The following MYO5C variants were observed in gnomAD, a reference collection of about 807,000 sequenced individuals.
MYO5C encodes unconventional myosin-Vc.
In MYO5C, 194 loss-of-function variants were observed where a neutral mutation model predicts 235.7. The observed-to-expected ratio is 0.82, with a 90% CI of 0.73 to 0.93. MYO5C has a LOEUF of 0.93. MYO5C is among the 40% of genes least tolerant of loss of function. The probability of loss-of-function intolerance (pLI) is 0.00; values close to 1 mark genes in which losing one functional copy is unlikely to be tolerated. For missense variants in MYO5C, 2,038 were observed against 2,127.2 expected, an observed-to-expected ratio of 0.96 and a Z score of 0.82; for synonymous variants, 707 against 754.8, an observed-to-expected ratio of 0.94 and a Z score of 1.04.
chr15:52,253,176 A>G (rs1359982652), intron 12 of MYO5C, 141 bp downstream of exon 12: 6 of 884,962 alleles, frequency 6.8e-6, no homozygotes, highest in Non-Finnish European at 1.0e-5. Context: ...CCTGCTGTGG[A>G]TGCTGTCCCA....
intron 21 of MYO5C, among the ~76,000 whole-genome samples, chr15:52,239,401 C>A (rs1265000711): frequency 6.6e-6 from 1 of 152,212 alleles, no homozygotes; most frequent in East Asian, 1.9e-4. Context: ...GCTTGGCATG[C>A]GGACAGCATC....
In MYO5C at chr15:52,205,796, G is replaced by T. The variant is rs77561658; in HGVS notation, c.4537+20C>A. 0.051 allele frequency: 72,549 copies of T among 1,432,152 alleles called. 2,144 individuals are homozygous for T. Among genetic ancestry groups the T allele is most frequent in the Middle Eastern group, 0.073 (392 of 5,342 alleles). 88.7% of individuals were successfully genotyped at this position (1,432,152 alleles called of 1,614,324 possible). ...TTAATGTTACTATAAATATTTTTTG[G>T]TCATCCATTCTCTTCTTACCTATTA... is the stretch of plus-strand genomic sequence containing the variant. On this transcript the variant is annotated intron_variant, in intron 37 of 40. Coordinates refer to ENST00000261839, the MANE Select transcript of MYO5C (RefSeq NM_018728.4).
At chr15:52,272,539 T>C (rs1343969962) in intron 6 of MYO5C, 41 bp downstream of exon 6, 1 of 1,602,294 alleles carries the variant, frequency 6.2e-7, no homozygotes, top group Admixed American at 1.7e-5. Context: ...TAAATGTAAA[T>C]AATGCTCAAA....
chr15:52,237,420 C>T (rs752711818), intron 22 of MYO5C, 62 bp downstream of exon 22: 10 of 1,551,198 alleles, frequency 6.4e-6, no homozygotes, highest in Middle Eastern at 1.8e-4. Flanking sequence ...AAGCTGGCAG[C>T]GCTCATCTTT....
rs149237257 is a variant in MYO5C at position 52,244,191 on chromosome 15, C to T, written c.2390+165G>A. On this transcript the variant is annotated intron_variant, in intron 19 of 40. Transcript: ENST00000261839. Reference sequence around the variant, plus strand: ...GCCAGCACTACCTGCCCCTGAGAGACGGACCTTTCTTGCCCTAATGCTCAC... The same window carrying T: ...GCCAGCACTACCTGCCCCTGAGAGATGGACCTTTCTTGCCCTAATGCTCAC... Among the ~76,000 whole-genome samples the T allele has an allele frequency of 4.3e-3, 660 of 152,172 alleles. 6 individuals carry two copies. The highest frequency in any genetic ancestry group is 0.015 in the African/African-American group (639 of 41,524).
rs35030676 is a variant in MYO5C at position 52,248,586 on chromosome 15, T to TCACA, written c.1746+110_1746+113dup. Reference sequence around the variant, plus strand: ...TACAACTTACCACTGTCCAGAGAGTTCACACACACACACACACACACTCTC... The same window carrying TCACA: ...TACAACTTACCACTGTCCAGAGAGTTCACACACACACACACACACACACACTCTC... On this transcript the variant is annotated intron_variant, in intron 14 of 40. Transcript: ENST00000261839. The TCACA allele has an allele frequency of 4.3e-3, 2,804 of 646,850 alleles. 12 individuals are homozygous for TCACA. In the East Asian group the frequency reaches 0.045, roughly 10 times the overall value. 40.1% of individuals were successfully genotyped at this position (646,850 alleles called of 1,614,324 possible).
At chr15:52,200,430 T>C (rs1462517517) in intron 38 of MYO5C, among the ~76,000 whole-genome samples, 2 of 152,044 alleles carry the variant, frequency 1.3e-5, no homozygotes, top group Non-Finnish European at 2.9e-5. Flanking sequence ...TAGCCAGATA[T>C]GGTAGTGGGT....
chr15:52,213,856 C>G (rs1374908083), intron 33 of MYO5C, among the ~76,000 whole-genome samples: 1 of 152,216 alleles, frequency 6.6e-6, no homozygotes, highest in Non-Finnish European at 1.5e-5. Context: ...GAAGCACAGA[C>G]CTGGGCCCTG....
intron 1 of MYO5C, among the ~76,000 whole-genome samples, chr15:52,284,664 G>A (rs1333989843): frequency 1.3e-5 from 2 of 152,088 alleles, no homozygotes; most frequent in African/African-American, 4.8e-5. Flanking sequence ...ATATTTAGAA[G>A]GTGTATTGAT....
chr15:52,224,063 A>C (rs1011648392), intron 28 of MYO5C, among the ~76,000 whole-genome samples: 2 of 152,220 alleles, frequency 1.3e-5, no homozygotes, highest in African/African-American at 4.8e-5. Flanking sequence ...TGGGCGGATC[A>C]CTTGAGGTCA....
chr15:52,256,955 G>GCCAA, intron 10 of MYO5C: 1 of 439,954 alleles, frequency 2.3e-6, no homozygotes, highest in Non-Finnish European at 4.1e-6. Context: ...CCTCAAGCCA[G>GCCAA]GCATTAAAAT....
intron 23 of MYO5C, 93 bp from the exon 24 acceptor site, chr15:52,232,778 A>G (rs1264648391): frequency 1.8e-6 from 2 of 1,094,904 alleles, no homozygotes; most frequent in African/African-American, 3.1e-5. Flanking sequence ...TGTCAGGACA[A>G]TCATGTGATG....
At chr15:52,245,879 G>A in intron 17 of MYO5C, 77 bp downstream of exon 17, 5 of 1,338,596 alleles carry the variant, frequency 3.7e-6, no homozygotes, top group Non-Finnish European at 5.3e-6. Context: ...CAAAAATCAT[G>A]GCAGCCATGT....
chr15:52,225,336 T>A, intron 26 of MYO5C, 103 bp downstream of exon 26: 2 of 1,143,198 alleles, frequency 1.7e-6, no homozygotes, highest in Non-Finnish European at 2.6e-6. Flanking sequence ...ATCTACCATA[T>A]GTCCAACCAA....
rs150778896 is a variant in MYO5C, at chr15:52,292,135, C to G, written c.27+3475G>C. Among the ~76,000 whole-genome samples the G allele has an allele frequency of 5.9e-3, 892 of 152,292 alleles. 11 individuals carry two copies. Among genetic ancestry groups the G allele is most frequent in the African/African-American group, 0.021 (869 of 41,546 alleles). On this transcript the variant is annotated intron_variant, in intron 1 of 40. Transcript: ENST00000261839. ...TGTTATGAACTCTTCAGAAATAGTACTTTTAATGGCTTCATGCTGTTTTAC... is the reference window on the plus strand; with the variant it reads ...TGTTATGAACTCTTCAGAAATAGTAGTTTTAATGGCTTCATGCTGTTTTAC...
chr15:52,284,024 T>C (rs906912042), intron 1 of MYO5C, among the ~76,000 whole-genome samples: 12 of 152,260 alleles, frequency 7.9e-5, no homozygotes, highest in African/African-American at 2.9e-4. Flanking sequence ...GTTTGATGTA[T>C]TTTTCTACAA....
chr15:52,271,591 C>T (rs1274557090), intron 7 of MYO5C, among the ~76,000 whole-genome samples, 172 bp downstream of exon 7: 2 of 151,946 alleles, frequency 1.3e-5, no homozygotes, highest in African/African-American at 2.4e-5. Flanking sequence ...CTCATCCCCC[C>T]GGCCCTAATC....
chr15:52,261,642 G>A (rs2140826687), intron 9 of MYO5C, among the ~76,000 whole-genome samples: 1 of 152,322 alleles, frequency 6.6e-6, no homozygotes, highest in East Asian at 1.9e-4. Flanking sequence ...CTGAGCTAGT[G>A]CCTCAGCTGA....
intron 34 of MYO5C, among the ~76,000 whole-genome samples, 198 bp downstream of exon 34, chr15:52,212,990 A>T (rs1177045813): frequency 6.6e-6 from 1 of 152,186 alleles, no homozygotes; most frequent in Non-Finnish European, 1.5e-5. Context: ...GAAGTCAAGG[A>T]TGCTGCTCCA....
Sources: allele counts gnomAD v4.1 joint callset (sites outside exome capture counted in the v4.1 genomes callset), GRCh38; gene constraint gnomAD v4.1.1; transcripts MANE v1.5; gene names NCBI Gene and HGNC (gene_info 2026-07-23, HGNC 2026-07-21).